PCDHGA6: variants seen among roughly 807,000 people sequenced by gnomAD.
PCDHGA6 encodes the protein protocadherin gamma-A6.
A neutral mutation model predicts 60.6 loss-of-function variants in PCDHGA6; 41 were observed. The observed-to-expected ratio is 0.68, with a 90% CI of 0.53 to 0.88. The LOEUF is 0.88. PCDHGA6 is among the 40% of genes least tolerant of loss of function. PCDHGA6 has a pLI of 0.00. For missense variants in PCDHGA6, 1,312 were observed against 1,203.0 expected (o/e 1.09, Z -1.34); for synonymous variants, 594 against 524.4 (o/e 1.13, Z -1.81).
Position 141,491,930 on chromosome 5 carries a change from G to A in PCDHGA6, c.2425-2877G>A, listed in dbSNP as rs2099735399. On this transcript the variant is annotated intron_variant, in intron 1 of 3. Transcript: ENST00000517434. The surrounding 1 kb of genome is among the most constrained non-coding windows in gnomAD (Gnocchi z 6.9). ...GTGGCGACTGTGGGCGAGGGGAGGT[G>A]GGACCGACCCCCACCCCTACACTCA... 1.6e-6 allele frequency: 2 copies of A among 1,276,580 alleles called. No homozygotes were observed. The highest frequency in any genetic ancestry group is 2.1e-6 in the Non-Finnish European group (2 of 943,112). 79.1% of individuals were successfully genotyped at this position (1,276,580 alleles called of 1,614,324 possible).
intron 1 of PCDHGA6, chr5:141,414,202 G>A: frequency 6.2e-7 from 1 of 1,611,912 alleles, no homozygotes; most frequent in Non-Finnish European, 8.5e-7. Flanking sequence ...TACAGTAGAA[G>A]ATGTAAATGA....
intron 1 of PCDHGA6, chr5:141,399,237 A>G: frequency 6.2e-7 from 1 of 1,614,002 alleles, no homozygotes; most frequent in South Asian, 1.1e-5. Context: ...TACATGACCA[A>G]GATTCTGGGG....
intron 1 of PCDHGA6, among the ~76,000 whole-genome samples, chr5:141,455,177 T>C (rs2098816411): frequency 6.6e-6 from 1 of 152,040 alleles, no homozygotes; most frequent in Non-Finnish European, 1.5e-5. Context: ...TTTTAGTTTT[T>C]TTATTTCTCT....
intron 1 of PCDHGA6, among the ~76,000 whole-genome samples, chr5:141,466,815 A>G (rs1019952491): frequency 1.3e-5 from 2 of 152,182 alleles, no homozygotes; most frequent in Non-Finnish European, 2.9e-5. Flanking sequence ...CAGACATGGT[A>G]TAACAAGTTA....
intron 2 of PCDHGA6, 143 bp from the exon 3 acceptor site, chr5:141,505,250 T>C: frequency 2.8e-6 from 4 of 1,439,476 alleles, no homozygotes; most frequent in Non-Finnish European, 9.3e-7. Flanking sequence ...ATTGTAGAAG[T>C]GCCTCCTACC....
chr5:141,506,444 CAAAAA>C (rs1219684339), intron 3 of PCDHGA6, among the ~76,000 whole-genome samples: 4 of 95,024 alleles, frequency 4.2e-5, no homozygotes, highest in Admixed American at 1.1e-4. Flanking sequence ...CGCTCTGTCT[CAAAAA>C]AAAAAAAAAA....
intron 3 of PCDHGA6, 88 bp from the exon 4 acceptor site, chr5:141,510,859 A>G: frequency 6.2e-7 from 1 of 1,606,096 alleles, no homozygotes; most frequent in Non-Finnish European, 8.5e-7. Context: ...GGTGCTGTAT[A>G]GGCATTCATT....
rs753372015 is a variant in PCDHGA6 at position 141,422,180 on chromosome 5, T to C, written c.2424+45673T>C. The stretch of plus-strand genomic sequence containing the variant: ...TTTGAAAAATATAGATTCTATGAGA[T>C]GGAAATTCAAGGCCAAGATGGTGGA... On this transcript the variant is annotated intron_variant, in intron 1 of 3. Coordinates refer to ENST00000517434, the MANE Select transcript of PCDHGA6 (RefSeq NM_018919.3). 1.1e-5 allele frequency: 17 copies of C among 1,562,190 alleles called. No homozygotes were observed. In the African/African-American group the frequency reaches 1.9e-4, roughly 18 times the overall value.
intron 1 of PCDHGA6, chr5:141,419,774 C>T (rs2096431329): frequency 6.2e-7 from 1 of 1,613,902 alleles, no homozygotes; most frequent in Admixed American, 1.7e-5. Flanking sequence ...GGACTCGGTC[C>T]GCCAGCGCCT....
chr5:141,476,357 C>G lies in PCDHGA6; in HGVS notation c.2425-18450C>G. On this transcript the variant is annotated intron_variant, in intron 1 of 3. Transcript: ENST00000517434. The surrounding 1 kb of genome is among the most constrained non-coding windows in gnomAD (Gnocchi z 7.6). ...TAGCCGAAGATTCTTTGAGGTGAAC[C>G]GGGAGACCGGAGAGATGTTTGTGAA... The G allele has an allele frequency of 6.2e-7, 1 of 1,614,052 alleles. No individual in the cohort carries two copies. Among genetic ancestry groups the G allele is most frequent in the South Asian group, 1.1e-5 (1 of 91,078 alleles).
chr5:141,415,740 G>GTTTTTTTTTTTTTTTTTTTT (rs57426385), intron 1 of PCDHGA6: 5 of 625,024 alleles, frequency 8.0e-6, no homozygotes, highest in African/African-American at 5.0e-5. Flanking sequence ...GTTTATTAAG[G>GTTTTTTTTTTTTTTTTTTTT]TTTTTTTTTT....
rs541533867 is a variant in PCDHGA6 at position 141,415,164 on chromosome 5, G to T, written c.2424+38657G>T. 6.8e-6 allele frequency: 11 copies of T among 1,613,838 alleles called. No individual in the cohort carries two copies. The African/African-American group carries it at 1.3e-4, about 20-fold the overall frequency. Reference sequence around the variant, plus strand: ...AGCCCCCTCTCTCCGCCACTGTCACGCTCACCGTGGCCGTGGCCGACAGCA... The same window carrying T: ...AGCCCCCTCTCTCCGCCACTGTCACTCTCACCGTGGCCGTGGCCGACAGCA... On this transcript the variant is annotated intron_variant, in intron 1 of 3. Transcript: ENST00000517434.
chr5:141,421,923 G>T (rs2096611568), intron 1 of PCDHGA6: 1 of 1,613,590 alleles, frequency 6.2e-7, no homozygotes. Flanking sequence ...TTCGTGTGGT[G>T]GTCCTCGATG....
chr5:141,444,997 A>G (rs2154560871), intron 1 of PCDHGA6, among the ~76,000 whole-genome samples: 1 of 152,292 alleles, frequency 6.6e-6, no homozygotes, highest in Admixed American at 6.5e-5. Context: ...ATATATTTCC[A>G]TTTAATTAGG....
chr5:141,389,124 C>T (rs2091613941), intron 1 of PCDHGA6: 2 of 1,613,878 alleles, frequency 1.2e-6, no homozygotes, highest in South Asian at 2.2e-5. Context: ...CGAGCAGAAT[C>T]CAGAGTACAA....
At chr5:141,479,535 G>A (rs539785154) in intron 1 of PCDHGA6, 2 of 152,378 alleles carry the variant, frequency 1.3e-5, no homozygotes, top group Non-Finnish European at 2.9e-5. Context: ...AAGTGGAGAA[G>A]GTCAAAACTG....
chr5:141,437,307 G>A (rs1172152732), intron 1 of PCDHGA6, among the ~76,000 whole-genome samples: 7 of 152,120 alleles, frequency 4.6e-5, no homozygotes, highest in South Asian at 2.1e-4. Context: ...AAGTTAAAGC[G>A]TTCAGCTATA....
chr5:141,423,085 G>A, intron 1 of PCDHGA6: 1 of 1,614,072 alleles, frequency 6.2e-7, no homozygotes, highest in Non-Finnish European at 8.5e-7. Flanking sequence ...ACTCTTCGCG[G>A]TGGGGGAGCA....
In PCDHGA6 at chr5:141,490,996, G is replaced by A; in HGVS notation, c.2425-3811G>A. ...GCGTCTCCCTCGCTCTGCTCCTCCT[G>A]GCTCCTTGGTCACCAAGGTGACAGC... is the stretch of plus-strand genomic sequence containing the variant. On this transcript the variant is annotated intron_variant, in intron 1 of 3. Transcript: ENST00000517434. This position sits in a 1 kb window ranked among gnomAD's most constrained non-coding sequence, Gnocchi z 5.4. The A allele has an allele frequency of 6.2e-7, 1 of 1,614,090 alleles. No individual in the cohort carries two copies. The highest frequency in any genetic ancestry group is 8.5e-7 in the Non-Finnish European group (1 of 1,180,028).
Sources: allele counts gnomAD v4.1 joint callset (sites outside exome capture counted in the v4.1 genomes callset), GRCh38; gene constraint gnomAD v4.1.1; non-coding constraint Gnocchi (gnomAD v3.1); transcripts MANE v1.5; gene names NCBI Gene and HGNC (gene_info 2026-07-23, HGNC 2026-07-21).